PDZRN3: variants seen among roughly 807,000 people sequenced by gnomAD.
PDZRN3 encodes PDZ domain containing ring finger 3, also known as E3 ubiquitin-protein ligase PDZRN3.
PDZRN3 carries 38 observed loss-of-function variants against 85.7 expected under a neutral mutation model. That is an observed-to-expected ratio of 0.44 (90% CI 0.34 to 0.58). The LOEUF (loss-of-function observed/expected upper bound fraction) is 0.58. PDZRN3 is among the 20% of genes least tolerant of loss of function. PDZRN3 has a pLI of 0.01. For missense variants in PDZRN3, 1,629 were observed against 1,506.4 expected (o/e 1.08, Z -1.35); for synonymous variants, 759 against 638.0 (o/e 1.19, Z -2.86).
At chr3:73,518,840 C>A (rs1308135819) in intron 3 of PDZRN3, among the ~76,000 whole-genome samples, 1 of 152,148 alleles carries the variant, frequency 6.6e-6, no homozygotes, top group Non-Finnish European at 1.5e-5. Context: ...ATCACCTCCC[C>A]CAATCCCCAC....
intron 3 of PDZRN3, among the ~76,000 whole-genome samples, chr3:73,467,284 C>T (rs1182981626): frequency 6.6e-6 from 1 of 152,198 alleles, no homozygotes; most frequent in African/African-American, 2.4e-5. Context: ...ATATAATTGA[C>T]AATCAACTGG....
chr3:73,491,042 G>A (rs536588337), intron 3 of PDZRN3, among the ~76,000 whole-genome samples: 1 of 152,342 alleles, frequency 6.6e-6, no homozygotes, highest in Non-Finnish European at 1.5e-5. Context: ...CTCCAGGAAA[G>A]CTCAGGGAGG....
chr3:73,528,399 C>T (rs531977966), intron 3 of PDZRN3, among the ~76,000 whole-genome samples: 1 of 152,094 alleles, frequency 6.6e-6, no homozygotes, highest in Non-Finnish European at 1.5e-5. Flanking sequence ...AAAGATTAGA[C>T]AAATCACGCA....
At chr3:73,496,745 A>C (rs115930569) in intron 3 of PDZRN3, among the ~76,000 whole-genome samples, 4,134 of 152,296 alleles carry the variant, frequency 0.027, 163 homozygotes, top group African/African-American at 0.09. Context: ...AAAACCCCAC[A>C]TTATTTAAAA....
chr3:73,393,654 A>G (rs1701575859), intron 5 of PDZRN3, among the ~76,000 whole-genome samples: 1 of 152,216 alleles, frequency 6.6e-6, no homozygotes, highest in African/African-American at 2.4e-5. Context: ...TGACAAGCAC[A>G]ACTCTGTAAT....
At chr3:73,590,268 CAAAAAAA>C (rs10685167) in intron 3 of PDZRN3, among the ~76,000 whole-genome samples, 2 of 97,576 alleles carry the variant, frequency 2.0e-5, no homozygotes, top group Non-Finnish European at 2.0e-5. Flanking sequence ...GACTCTGTCT[CAAAAAAA>C]AAAAAAAAAA....
rs1384401803 is a variant in PDZRN3 at position 73,453,414 on chromosome 3, A to AC, written c.919-49020_919-49019insG. 8.1e-4 allele frequency among the ~76,000 whole-genome samples: 111 copies of AC among 136,588 alleles called. 3 individuals are homozygous for AC. Among genetic ancestry groups the AC allele is most frequent in the Middle Eastern group, 3.7e-3 (1 of 272 alleles). 89.6% of individuals were successfully genotyped at this position (136,588 alleles called of 152,430 possible). On this transcript the variant is annotated intron_variant, in intron 3 of 9. Transcript: ENST00000263666. ...AGTGAGACTTCGTCTCAAAAAAAAA[A>AC]AAAAAAAAACAAAAAAAAAAAACAA... is the stretch of plus-strand genomic sequence containing the variant.
chr3:73,621,620 GGA>G (rs1322060074), intron 1 of PDZRN3: 1 of 152,188 alleles, frequency 6.6e-6, no homozygotes, highest in South Asian at 2.1e-4. Context: ...TTCGGGGCAA[GGA>G]GAGACAGCAA....
intron 3 of PDZRN3, among the ~76,000 whole-genome samples, chr3:73,553,339 C>T (rs886114959): frequency 2.3e-4 from 35 of 151,928 alleles, no homozygotes; most frequent in African/African-American, 7.3e-4. Context: ...TTTGGGAGGC[C>T]GAGGCGGGTG....
At chr3:73,561,795 C>T (rs148165854) in intron 3 of PDZRN3, among the ~76,000 whole-genome samples, 19 of 152,184 alleles carry the variant, frequency 1.2e-4, no homozygotes, top group African/African-American at 3.4e-4. Flanking sequence ...TGAAATCCCA[C>T]GTCTCAATTC....
At chr3:73,562,145 T>C (rs1327727483) in intron 3 of PDZRN3, among the ~76,000 whole-genome samples, 1 of 152,178 alleles carries the variant, frequency 6.6e-6, no homozygotes, top group East Asian at 1.9e-4. Context: ...TACAGAGATG[T>C]ATGAACTGAT....
chr3:73,475,686 G>C (rs1418273303), intron 3 of PDZRN3, among the ~76,000 whole-genome samples: 1 of 152,210 alleles, frequency 6.6e-6, no homozygotes, highest in East Asian at 1.9e-4. Context: ...CCTTCAGCCA[G>C]TTGGTAATGA....
intron 8 of PDZRN3, among the ~76,000 whole-genome samples, chr3:73,386,366 T>C (rs1462061784): frequency 6.6e-6 from 1 of 151,678 alleles, no homozygotes; most frequent in African/African-American, 2.4e-5. Flanking sequence ...CCAGCTAATT[T>C]TGGTATTTTT....
chr3:73,437,009 T>C (rs1702543712), intron 3 of PDZRN3, among the ~76,000 whole-genome samples: 1 of 142,960 alleles, frequency 7.0e-6, no homozygotes, highest in Non-Finnish European at 1.5e-5. Context: ...TGGTGCCCAC[T>C]GCACTCCAGC....
rs554404734 is a variant in PDZRN3 at position 73,484,785 on chromosome 3, T to C, written c.919-80390A>G. ...AGAAATTCAGAATCTCAGGCTCCTC[T>C]GCAGAGGAAATGAATCAGAACTTGC... On this transcript the variant is annotated intron_variant, in intron 3 of 9. Transcript: ENST00000263666. 6.6e-5 allele frequency among the ~76,000 whole-genome samples: 10 copies of C among 152,262 alleles called. No individual in the cohort carries two copies. The East Asian group carries it at 1.9e-3, about 29-fold the overall frequency.
At chr3:73,416,285 A>T (rs1702080187) in intron 3 of PDZRN3, among the ~76,000 whole-genome samples, 1 of 152,162 alleles carries the variant, frequency 6.6e-6, no homozygotes, top group African/African-American at 2.4e-5. Flanking sequence ...CTCCAAGTAC[A>T]TTATTCTTTG....
chr3:73,553,920 C>G (rs73838562), intron 3 of PDZRN3, among the ~76,000 whole-genome samples: 1 of 152,136 alleles, frequency 6.6e-6, no homozygotes, highest in Non-Finnish European at 1.5e-5. Flanking sequence ...AGAGCCACAA[C>G]GGGCATAAGG....
intron 3 of PDZRN3, among the ~76,000 whole-genome samples, chr3:73,509,627 C>T (rs995320556): frequency 6.6e-6 from 1 of 152,220 alleles, no homozygotes; most frequent in African/African-American, 2.4e-5. Flanking sequence ...ACCTGAGATC[C>T]TGCAGGAAAG....
intron 3 of PDZRN3, among the ~76,000 whole-genome samples, chr3:73,565,793 ACACACAC>A (rs1559741107): frequency 0.032 from 4,714 of 145,124 alleles, 91 homozygotes; most frequent in Middle Eastern, 0.055. Flanking sequence ...CAAAACACAC[ACACACAC>A]ACACACACAC....
Sources: gnomAD v4.1 joint callset for allele counts (sites outside exome capture counted in the v4.1 genomes callset) on GRCh38, gnomAD v4.1.1 for gene constraint, MANE v1.5 for transcripts, NCBI Gene and HGNC (gene_info 2026-07-23, HGNC 2026-07-21) for gene names.